Variants in COL5A2 observed in about 807,000 individuals in gnomAD.
COL5A2 encodes collagen alpha-2(V) chain.
In COL5A2, 23 loss-of-function variants were observed where a neutral mutation model predicts 208.2. The ratio of observed to expected loss-of-function variants is 0.11; its 90% CI spans 0.08 to 0.16. COL5A2 has a LOEUF of 0.16. Among genes scored for constraint, COL5A2 ranks in the 10% least tolerant of loss-of-function variants. The pLI is 1.00. For synonymous variants in COL5A2, 625 were observed against 628.5 expected, an observed-to-expected ratio of 0.99 and a Z score of 0.08; for missense variants, 1,590 against 1,956.4, an observed-to-expected ratio of 0.81 and a Z score of 3.53.
the COL5A2 span, among the ~76,000 whole-genome samples, chr2:189,243,784 C>T: frequency 5.9e-5 from 9 of 152,298 alleles, no homozygotes; most frequent in African/African-American, 2.2e-4. Context: ...TCCCCTCTGC[C>T]TACGAGCCTG....
chr2:189,237,458 TA>T, the COL5A2 span, among the ~76,000 whole-genome samples: 3 of 151,348 alleles, frequency 2.0e-5, no homozygotes, highest in Non-Finnish European at 3.0e-5. Flanking sequence ...ATATTGCTGG[TA>T]AAAAAAGATT....
At chr2:189,147,276 C>T (rs932435123) in intron 1 of COL5A2, among the ~76,000 whole-genome samples, 1 of 151,954 alleles carries the variant, frequency 6.6e-6, no homozygotes, top group African/African-American at 2.4e-5. Context: ...TATGAAAAAA[C>T]GTAAGGGTTA....
At chr2:189,125,542 A>G (rs1687591170) in intron 1 of COL5A2, among the ~76,000 whole-genome samples, 1 of 152,118 alleles carries the variant, frequency 6.6e-6, no homozygotes, top group Non-Finnish European at 1.5e-5. Context: ...CCTACTCAAA[A>G]TGAAGATAAT....
chr2:189,318,109 T>C, the COL5A2 span, among the ~76,000 whole-genome samples: 2 of 152,208 alleles, frequency 1.3e-5, no homozygotes, highest in Non-Finnish European at 2.9e-5. Context: ...GCTGTTTTTC[T>C]AAACTCTGTA....
chr2:189,306,209 A>C, the COL5A2 span, among the ~76,000 whole-genome samples: 1 of 152,116 alleles, frequency 6.6e-6, no homozygotes. Context: ...TCAGGGAGGG[A>C]AGCAAGGGTG....
chr2:189,437,696 G>A, the COL5A2 span, among the ~76,000 whole-genome samples: 1 of 152,134 alleles, frequency 6.6e-6, no homozygotes, highest in South Asian at 2.1e-4. Flanking sequence ...GATAGATAAG[G>A]ATTTCAGCAT....
rs759750279 is a variant in COL5A2, at chr2:189,062,907, T to C, written c.1935A>G (p.Gly645=). The C allele has an allele frequency of 2.5e-6, 4 of 1,614,076 alleles. No homozygotes were observed. The South Asian group carries it at 3.3e-5, about 13-fold the overall frequency. ...CAGAAGGACCAACTTCACCATCTTT[T>C]CCAGGAGCTCCCTAGTATCACACAC... ...AGVPGQRGAP[G]KDGEVGPSGP... The change falls in exon 29 of 54, where the codon GGA becomes GGG. Residue 645 remains glycine (G), a synonymous_variant. Coordinates refer to ENST00000374866, the MANE Select transcript of COL5A2 (RefSeq NM_000393.5).
At chr2:189,088,326 A>G (rs1021254085) in intron 8 of COL5A2, among the ~76,000 whole-genome samples, 1 of 152,228 alleles carries the variant, frequency 6.6e-6, no homozygotes, top group African/African-American at 2.4e-5. Context: ...TCTCATTTCA[A>G]AATTTTACCA....
rs1364528688 is a variant in COL5A2, at chr2:189,062,855, A to G, written c.1977+10T>C. ...ATATTCTCACACACACACACACAAA[A>G]ATCACATACCGGCGGGCCCACAGGA... On this transcript the variant is annotated intron_variant, in intron 29 of 53. Transcript: ENST00000374866. 6.2e-7 allele frequency: 1 copy of G among 1,613,886 alleles called. No homozygotes were observed. Among genetic ancestry groups the G allele is most frequent in the Non-Finnish European group, 8.5e-7 (1 of 1,179,980 alleles).
chr2:189,053,588 T>C (rs1685837541), intron 37 of COL5A2, 111 bp from the exon 38 acceptor site: 1 of 992,870 alleles, frequency 1.0e-6, no homozygotes, highest in Admixed American at 2.0e-5. Context: ...TATAGAAAAA[T>C]TACACATATT....
At chr2:189,293,200 C>T in the COL5A2 span, among the ~76,000 whole-genome samples, 1 of 151,830 alleles carries the variant, frequency 6.6e-6, no homozygotes, top group Non-Finnish European at 1.5e-5. Context: ...CACATGTATA[C>T]ATATGTAACT....
chr2:189,235,487 A>G, the COL5A2 span, among the ~76,000 whole-genome samples: 5 of 151,780 alleles, frequency 3.3e-5, no homozygotes, highest in African/African-American at 1.2e-4. Context: ...TCAGATTCTT[A>G]GTCTCCCTAG....
chr2:189,209,591 G>A (rs1035659537), intron 1 of COL5A2, among the ~76,000 whole-genome samples: 2 of 152,112 alleles, frequency 1.3e-5, no homozygotes, highest in South Asian at 2.1e-4. Context: ...CAGTCTTTTG[G>A]TTCTAAAGAA....
At chr2:189,354,204 G>A in the COL5A2 span, among the ~76,000 whole-genome samples, 16 of 152,016 alleles carry the variant, frequency 1.1e-4, no homozygotes, top group Non-Finnish European at 1.8e-4. Flanking sequence ...GAGGATTTTC[G>A]CATCGATGTT....
Position 189,141,383 on chromosome 2 carries a change from T to G in COL5A2, c.98-30934A>C, listed in dbSNP as rs75711579. 7.5e-3 allele frequency among the ~76,000 whole-genome samples: 1,145 copies of G among 152,204 alleles called. 20 individuals are homozygous for G. The highest frequency in any genetic ancestry group is 0.026 in the African/African-American group (1,073 of 41,532). ...TTTGCCTATTTTGCCTTATTACATA[T>G]AAAGGGATTGGGGTTCACAGGGGCG... On this transcript the variant is annotated intron_variant, in intron 1 of 53. Coordinates refer to ENST00000374866, the MANE Select transcript of COL5A2 (RefSeq NM_000393.5).
At chr2:189,295,043 A>C in the COL5A2 span, among the ~76,000 whole-genome samples, 1 of 151,844 alleles carries the variant, frequency 6.6e-6, no homozygotes, top group Non-Finnish European at 1.5e-5. Flanking sequence ...TCCTGGGCTC[A>C]AGCAATCCTC....
intron 31 of COL5A2, among the ~76,000 whole-genome samples, 196 bp from the exon 32 acceptor site, chr2:189,059,089 T>C (rs1038093344): frequency 1.3e-5 from 2 of 152,310 alleles, no homozygotes; most frequent in East Asian, 3.9e-4. Context: ...AAAACATTTT[T>C]CCAAAAAACT....
the COL5A2 span, among the ~76,000 whole-genome samples, chr2:189,305,158 A>G: frequency 6.6e-6 from 1 of 152,360 alleles, no homozygotes; most frequent in South Asian, 2.1e-4. Context: ...AATAATTGCT[A>G]TCCACTTGGT....
intron 1 of COL5A2, among the ~76,000 whole-genome samples, chr2:189,168,979 C>T (rs1688522537): frequency 6.6e-6 from 1 of 152,114 alleles, no homozygotes; most frequent in Admixed American, 6.5e-5. Flanking sequence ...TAAAAATCTC[C>T]TGGGAGTGAA....
Sources: allele counts gnomAD v4.1 joint callset (sites outside exome capture counted in the v4.1 genomes callset), GRCh38; gene constraint gnomAD v4.1.1; transcripts MANE v1.5; gene names NCBI Gene and HGNC (gene_info 2026-07-23, HGNC 2026-07-21).